SLC4A5: variants seen among roughly 807,000 people sequenced by gnomAD.
SLC4A5 encodes the protein solute carrier family 4 member 5.
SLC4A5 carries 96 observed loss-of-function variants against 120.4 expected under a neutral mutation model. That is an observed-to-expected ratio of 0.80 (90% CI 0.68 to 0.94). SLC4A5 has a LOEUF of 0.94. Ranked by LOEUF, SLC4A5 falls within the 40% of genes least tolerant of loss-of-function variation. The pLI is 0.00. For synonymous variants in SLC4A5, 550 were observed against 571.1 expected, an observed-to-expected ratio of 0.96 and a Z score of 0.53; for missense variants, 1,259 against 1,459.5, an observed-to-expected ratio of 0.86 and a Z score of 2.24.
intron 12 of SLC4A5, among the ~76,000 whole-genome samples, chr2:74,258,308 G>A (rs1245484343): frequency 2.0e-5 from 3 of 152,238 alleles, no homozygotes; most frequent in African/African-American, 7.2e-5. Flanking sequence ...ATACCGAGAA[G>A]CAGCATCAAG....
At chr2:74,226,844 C>G in intron 27 of SLC4A5, 113 bp downstream of exon 27, 1 of 1,285,414 alleles carries the variant, frequency 7.8e-7, no homozygotes. Context: ...CCGAGGGAGC[C>G]AGGCCACAGC....
chr2:74,315,640 A>C (rs756748334), intron 5 of SLC4A5, among the ~76,000 whole-genome samples: 2 of 150,460 alleles, frequency 1.3e-5, no homozygotes, highest in Non-Finnish European at 1.5e-5. Context: ...TATTATGCAT[A>C]TATATATGCG....
Position 74,314,907 on chromosome 2 carries a change from C to T in SLC4A5, c.79+38G>A, listed in dbSNP as rs755641027. On this transcript the variant is annotated intron_variant, in intron 6 of 30. Transcript: ENST00000394019. ...AAGACATTCAGAGAATTCTCAGTGCCTCCTGAGATTTGCATCAAGTCCTCA... is the reference window on the plus strand; with the variant it reads ...AAGACATTCAGAGAATTCTCAGTGCTTCCTGAGATTTGCATCAAGTCCTCA... 9 of 1,542,666 alleles carry T rather than the reference C, an allele frequency of 5.8e-6. No homozygotes were observed. In the East Asian group the frequency reaches 2.0e-4, roughly 35 times the overall value.
At position 74,225,008 on chromosome 2, in the gene SLC4A5, G is replaced by C; in HGVS notation, c.3091-13C>G. On this transcript the variant is annotated splice_polypyrimidine_tract_variant and intron_variant, in intron 27 of 30. Coordinates refer to ENST00000394019, the Ensembl canonical transcript of SLC4A5. ...TGAGGCCCAGGATCTGTGGTGGAGAGAGACTAAAGTTTTGTGAGAATTTGG... is the reference window on the plus strand; with the variant it reads ...TGAGGCCCAGGATCTGTGGTGGAGACAGACTAAAGTTTTGTGAGAATTTGG... 6.2e-7 allele frequency: 1 copy of C among 1,602,872 alleles called. No individual in the cohort carries two copies. Among genetic ancestry groups the C allele is most frequent in the East Asian group, 2.2e-5 (1 of 44,838 alleles).
chr2:74,217,149 T>G (rs1418868319), exon 31 of SLC4A5: 2 of 152,226 alleles, frequency 1.3e-5, no homozygotes, highest in African/African-American at 4.8e-5. Flanking sequence ...GTGTCATTTT[T>G]CTTTAAAAAA....
intron 7 of SLC4A5, among the ~76,000 whole-genome samples, chr2:74,302,443 CCT>C (rs1672501089): frequency 6.6e-6 from 1 of 152,180 alleles, no homozygotes; most frequent in Admixed American, 6.5e-5. Flanking sequence ...ATGGTGAAAC[CCT>C]GTTTCTACTA....
intron 20 of SLC4A5, among the ~76,000 whole-genome samples, chr2:74,241,593 T>C (rs1051936282): frequency 6.6e-6 from 1 of 151,708 alleles, no homozygotes; most frequent in Non-Finnish European, 1.5e-5. Context: ...ATACAAAAAA[T>C]TAGCTGGGCG....
intron 6 of SLC4A5, among the ~76,000 whole-genome samples, chr2:74,310,586 G>A (rs1672774928): frequency 6.6e-6 from 1 of 152,118 alleles, no homozygotes; most frequent in Admixed American, 6.5e-5. Context: ...TTGGCCTATT[G>A]ATATGATGAA....
chr2:74,272,927 G>T (rs949114835), intron 8 of SLC4A5, among the ~76,000 whole-genome samples: 7 of 152,218 alleles, frequency 4.6e-5, no homozygotes, highest in Non-Finnish European at 1.0e-4. Context: ...AAAACCAAGA[G>T]ACCTCTATTC....
At chr2:74,278,805 TA>T (rs1671722813) in intron 8 of SLC4A5, among the ~76,000 whole-genome samples, 1 of 152,158 alleles carries the variant, frequency 6.6e-6, no homozygotes, top group African/African-American at 2.4e-5. Flanking sequence ...CAAACAACCT[TA>T]AAAATCTTCA....
At chr2:74,236,125 C>T (rs1200211517) in intron 21 of SLC4A5, among the ~76,000 whole-genome samples, 1 of 152,164 alleles carries the variant, frequency 6.6e-6, no homozygotes, top group Non-Finnish European at 1.5e-5. Flanking sequence ...TTTCTCAATC[C>T]AGCCCCGCCT....
intron 6 of SLC4A5, 51 bp from the exon 7 acceptor site, chr2:74,304,731 A>AT (rs753309633): frequency 9.4e-5 from 144 of 1,537,374 alleles, no homozygotes; most frequent in Non-Finnish European, 1.2e-4. Context: ...GAAAATTGGC[A>AT]TTTTTTCATA....
chr2:74,296,875 T>A (rs1672347589), intron 7 of SLC4A5, among the ~76,000 whole-genome samples: 2 of 152,012 alleles, frequency 1.3e-5, no homozygotes, highest in African/African-American at 4.8e-5. Context: ...GTGCAGGAGA[T>A]GTTTTAGAGA....
chr2:74,256,286 T>A (rs1286296451), intron 12 of SLC4A5, among the ~76,000 whole-genome samples: 1 of 152,150 alleles, frequency 6.6e-6, no homozygotes, highest in Non-Finnish European at 1.5e-5. Flanking sequence ...GCTGAGCAGA[T>A]GGGAGTCTCA....
At chr2:74,318,026 T>C (rs924909443) in intron 5 of SLC4A5, among the ~76,000 whole-genome samples, 11 of 152,096 alleles carry the variant, frequency 7.2e-5, no homozygotes, top group Admixed American at 2.6e-4. Context: ...AACTATGTAG[T>C]AGCAAATGTC....
chr2:74,291,507 C>A (rs970992293), intron 7 of SLC4A5, among the ~76,000 whole-genome samples: 1 of 152,230 alleles, frequency 6.6e-6, no homozygotes, highest in African/African-American at 2.4e-5. Flanking sequence ...GCCCCCTAGG[C>A]CCCAACACAG....
chr2:74,328,380 C>T (rs886453410), intron 4 of SLC4A5, 194 bp from the exon 5 acceptor site: 1 of 155,808 alleles, frequency 6.4e-6, no homozygotes, highest in Non-Finnish European at 1.4e-5. Context: ...TAGAGCTGGC[C>T]ATGATCATAG....
intron 7 of SLC4A5, among the ~76,000 whole-genome samples, chr2:74,292,340 T>C (rs1672199977): frequency 6.6e-6 from 1 of 152,180 alleles, no homozygotes; most frequent in South Asian, 2.1e-4. Context: ...CCTCCCATGC[T>C]ACCTCTGGCC....
At chr2:74,257,062 T>C (rs1432494662) in intron 12 of SLC4A5, among the ~76,000 whole-genome samples, 3 of 152,120 alleles carry the variant, frequency 2.0e-5, no homozygotes, top group African/African-American at 7.2e-5. Context: ...CCTCTTCCTG[T>C]CCCTGTGGAG....
Sources: allele counts gnomAD v4.1 joint callset (sites outside exome capture counted in the v4.1 genomes callset), GRCh38; gene constraint gnomAD v4.1.1; transcripts MANE v1.5; gene names NCBI Gene and HGNC (gene_info 2026-07-23, HGNC 2026-07-21).